Variants in PARD6G observed in about 807,000 individuals in gnomAD.
PARD6G encodes par-6 family cell polarity regulator gamma.
PARD6G carries 7 observed loss-of-function variants against 10.7 expected under a neutral mutation model. The observed-to-expected ratio is 0.66, with a 90% CI of 0.37 to 1.23. The LOEUF (loss-of-function observed/expected upper bound fraction) is 1.23, where lower values mean the gene tolerates loss of function less well. Among genes scored for constraint, PARD6G ranks in the 50% most tolerant of loss-of-function variants. The probability of loss-of-function intolerance (pLI) is 0.02; values close to 1 mark genes in which losing one functional copy is unlikely to be tolerated. For missense variants in PARD6G, 548 were observed against 571.8 expected, an observed-to-expected ratio of 0.96 and a Z score of 0.42; for synonymous variants, 287 against 269.4, an observed-to-expected ratio of 1.07 and a Z score of -0.64.
intron 1 of PARD6G, among the ~76,000 whole-genome samples, chr18:80,234,329 A>G (rs1475921964): frequency 6.6e-6 from 1 of 152,190 alleles, no homozygotes; most frequent in African/African-American, 2.4e-5. Context: ...GCATAAGAAC[A>G]GCCAATCAAA....
intron 1 of PARD6G, among the ~76,000 whole-genome samples, chr18:80,205,528 A>G (rs1260984740): frequency 1.3e-5 from 2 of 152,042 alleles, no homozygotes; most frequent in Non-Finnish European, 2.9e-5. Flanking sequence ...GTTAAGCCCA[A>G]CTCCAGGTGC....
chr18:80,174,031 C>A (rs1335219654), intron 2 of PARD6G, among the ~76,000 whole-genome samples: 1 of 152,166 alleles, frequency 6.6e-6, no homozygotes, highest in Non-Finnish European at 1.5e-5. Context: ...AGCCACCGCC[C>A]ACTGCCTGGA....
At chr18:80,214,765 A>AG (rs1967145752) in intron 1 of PARD6G, among the ~76,000 whole-genome samples, 1 of 152,172 alleles carries the variant, frequency 6.6e-6, no homozygotes, top group Non-Finnish European at 1.5e-5. Context: ...GGAGAGAAAG[A>AG]GGAAAAAAAG....
intron 1 of PARD6G, among the ~76,000 whole-genome samples, chr18:80,234,752 T>C (rs937728739): frequency 6.6e-6 from 1 of 151,768 alleles, no homozygotes; most frequent in African/African-American, 2.4e-5. Flanking sequence ...GTGACTGTAA[T>C]GACAAAGAAG....
At chr18:80,233,919 C>G (rs1050722723) in intron 1 of PARD6G, among the ~76,000 whole-genome samples, 1 of 152,082 alleles carries the variant, frequency 6.6e-6, no homozygotes, top group Non-Finnish European at 1.5e-5. Context: ...TTAGGAGGAG[C>G]GGAGAGATTC....
In PARD6G at chr18:80,160,164, G is replaced by A. The variant is rs1302589732; in HGVS notation, c.738C>T (p.Thr246=). 3 of 1,613,300 alleles carry A rather than the reference G, an allele frequency of 1.9e-6. No homozygotes were observed. The highest frequency in any genetic ancestry group is 2.5e-6 in the Non-Finnish European group (3 of 1,179,810). ...TGTTGCGCTGGTTGGCGGGCTTGAC[G>A]GTGACGATGAGGTTGTGGCTGTTGG... ...MIANSHNLIV[T]VKPANQRNNV... Residue 246 remains threonine (T), a synonymous_variant, in exon 3 of 3, where the codon ACC becomes ACT. Transcript: ENST00000353265.
chr18:80,190,080 G>A (rs1966884249), intron 2 of PARD6G, among the ~76,000 whole-genome samples: 1 of 152,070 alleles, frequency 6.6e-6, no homozygotes, highest in Non-Finnish European at 1.5e-5. Flanking sequence ...TTACTCCAGG[G>A]TCTATTCGTA....
intron 2 of PARD6G, chr18:80,178,513 C>G (rs1202785341): frequency 6.6e-6 from 1 of 152,392 alleles, no homozygotes; most frequent in East Asian, 1.9e-4. Flanking sequence ...TCCCAGCTTG[C>G]AGCCATCTTC....
intron 1 of PARD6G, among the ~76,000 whole-genome samples, chr18:80,229,123 A>T (rs1967331094): frequency 6.6e-6 from 1 of 152,070 alleles, no homozygotes; most frequent in Non-Finnish European, 1.5e-5. Context: ...TATTTTTAGT[A>T]GAGATGGGGT....
intron 1 of PARD6G, among the ~76,000 whole-genome samples, chr18:80,215,112 C>T (rs1054677571): frequency 5.3e-5 from 8 of 151,524 alleles, no homozygotes; most frequent in East Asian, 1.9e-4. Context: ...ATTCTATATC[C>T]GGCTAAGCTA....
rs529081644 is a variant in PARD6G at position 80,212,884 on chromosome 18, CA to C, written c.73-9953del. Among the ~76,000 whole-genome samples the C allele has an allele frequency of 9.2e-3, 1,349 of 147,024 alleles. 18 individuals carry two copies. Among genetic ancestry groups the C allele is most frequent in the African/African-American group, 0.032 (1,255 of 39,552 alleles). On this transcript the variant is annotated intron_variant, in intron 1 of 2. Transcript: ENST00000353265. ...TGAGCAACAGAGCGAGACCCCATCT[CA>C]AAAAAAAAAAATTATCTTGTTTTTA...
At chr18:80,190,576 C>T (rs528614356) in intron 2 of PARD6G, among the ~76,000 whole-genome samples, 1 of 152,304 alleles carries the variant, frequency 6.6e-6, no homozygotes, top group East Asian at 1.9e-4. Flanking sequence ...GGCCCAGACA[C>T]GGATCCTGGT....
chr18:80,218,066 A>T lies in PARD6G; in HGVS notation c.73-15134T>A, dbSNP rs558988873. 3.9e-5 allele frequency among the ~76,000 whole-genome samples: 6 copies of T among 152,268 alleles called. No individual in the cohort carries two copies. The South Asian group carries it at 1.2e-3, about 32-fold the overall frequency. On this transcript the variant is annotated intron_variant, in intron 1 of 2. Transcript: ENST00000353265. Reference sequence around the variant, plus strand: ...TCTCATGACACATGGGGATTATAGGAACTACAATTCAAGATGAGATTTGGG... The same window carrying T: ...TCTCATGACACATGGGGATTATAGGTACTACAATTCAAGATGAGATTTGGG...
At chr18:80,220,499 T>C (rs577589889) in intron 1 of PARD6G, among the ~76,000 whole-genome samples, 3 of 152,340 alleles carry the variant, frequency 2.0e-5, no homozygotes, top group African/African-American at 4.8e-5. Flanking sequence ...TTAATAGCAA[T>C]ATATCAGTAT....
intron 1 of PARD6G, among the ~76,000 whole-genome samples, chr18:80,235,652 A>G (rs1186873935): frequency 2.6e-5 from 4 of 152,214 alleles, no homozygotes; most frequent in African/African-American, 9.7e-5. Context: ...AATAGAAGCA[A>G]TAAAAAATGA....
Position 80,192,818 on chromosome 18 carries a change from C to T in PARD6G, c.295+9892G>A, listed in dbSNP as rs887872059. 4.6e-5 allele frequency among the ~76,000 whole-genome samples: 7 copies of T among 152,094 alleles called. No homozygotes were observed. The highest frequency in any genetic ancestry group is 8.8e-5 in the Non-Finnish European group (6 of 68,006). ...GCTGTGGGCAGGGACCCTCCTGGCTCGCCGGCCGTGGGAGCTGGGCTGTCA... is the reference window on the plus strand; with the variant it reads ...GCTGTGGGCAGGGACCCTCCTGGCTTGCCGGCCGTGGGAGCTGGGCTGTCA... On this transcript the variant is annotated intron_variant, in intron 2 of 2. Transcript: ENST00000353265. The surrounding 1 kb of genome is among the most constrained non-coding windows in gnomAD (Gnocchi z 4.9).
chr18:80,214,220 G>A (rs1967137993), intron 1 of PARD6G, among the ~76,000 whole-genome samples: 1 of 152,150 alleles, frequency 6.6e-6, no homozygotes, highest in African/African-American at 2.4e-5. Flanking sequence ...CACTTTGGGA[G>A]GCCGAGGCGA....
chr18:80,196,890 TAAAAAAAAAAAAAAA>T (rs572719232), intron 2 of PARD6G, among the ~76,000 whole-genome samples: 2 of 88,016 alleles, frequency 2.3e-5, no homozygotes, highest in South Asian at 9.4e-4. Flanking sequence ...TTTCTTTTAT[TAAAAAAAAAAAAAAA>T]AAAAAAAAAA....
chr18:80,199,122 A>G (rs1027899343), intron 2 of PARD6G, among the ~76,000 whole-genome samples: 3 of 152,210 alleles, frequency 2.0e-5, no homozygotes, highest in African/African-American at 7.2e-5. Context: ...TTTGTTCTCT[A>G]AAGTTGACAT....
Sources: allele counts gnomAD v4.1 joint callset (sites outside exome capture counted in the v4.1 genomes callset), GRCh38; gene constraint gnomAD v4.1.1; non-coding constraint Gnocchi (gnomAD v3.1); transcripts MANE v1.5; gene names NCBI Gene and HGNC (gene_info 2026-07-23, HGNC 2026-07-21).